The following CPAMD8 variants were observed in gnomAD, a reference collection of about 807,000 sequenced individuals.
CPAMD8 encodes the protein C3 and PZP like alpha-2-macroglobulin domain containing 8.
CPAMD8 carries 146 observed loss-of-function variants against 224.7 expected under a neutral mutation model. That is an observed-to-expected ratio of 0.65 (90% CI 0.57 to 0.75). The LOEUF (loss-of-function observed/expected upper bound fraction) is 0.75. CPAMD8 is among the 30% of genes least tolerant of loss of function. CPAMD8 has a pLI of 0.00. For synonymous variants in CPAMD8, 966 were observed against 1,044.6 expected, an observed-to-expected ratio of 0.92 and a Z score of 1.45; for missense variants, 2,301 against 2,537.5, an observed-to-expected ratio of 0.91 and a Z score of 2.00.
At chr19:17,009,223 A>G in intron 6 of CPAMD8, 80 bp downstream of exon 6, 1 of 1,612,160 alleles carries the variant, frequency 6.2e-7, no homozygotes, top group Non-Finnish European at 8.5e-7. Flanking sequence ...GCAGACAGTG[A>G]GCGAAGACAG....
chr19:16,974,119 C>T (rs561747911), intron 17 of CPAMD8, among the ~76,000 whole-genome samples: 173 of 151,410 alleles, frequency 1.1e-3, no homozygotes, highest in African/African-American at 3.9e-3. Flanking sequence ...TGAGCCACCG[C>T]GCTCAGCCAG....
At chr19:16,959,570 T>C (rs1396544340) in intron 18 of CPAMD8, among the ~76,000 whole-genome samples, 2 of 151,272 alleles carry the variant, frequency 1.3e-5, no homozygotes, top group African/African-American at 4.9e-5. Context: ...AGATGGAGTC[T>C]CTCTCTGTTG....
chr19:17,007,838 A>G (rs118128586), intron 7 of CPAMD8, among the ~76,000 whole-genome samples: 5,028 of 152,320 alleles, frequency 0.033, 119 homozygotes, highest in South Asian at 0.062. Context: ...ATCTCATGCA[A>G]TGGGGATGAT....
In CPAMD8 at chr19:16,929,123, G is replaced by A. The variant is rs563470793; in HGVS notation, c.2963C>T (p.Ser988Phe). The A allele has an allele frequency of 1.2e-6, 2 of 1,614,052 alleles. No homozygotes were observed. The highest frequency in any genetic ancestry group is 2.2e-5 in the East Asian group (1 of 44,884). Reference sequence around the variant, plus strand: ...GCCTGCTGTGTCCTGGGGCCCAGAAGACAAGGCCACACGGGCATCATTGTG... The same window carrying A: ...GCCTGCTGTGTCCTGGGGCCCAGAAAACAAGGCCACACGGGCATCATTGTG... ...RAHNDARVAL[S>F]SGPQDTAGMI... Residue 988 changes from serine (S) to phenylalanine (F), a missense_variant, in exon 24 of 42, where the codon TCT (serine) becomes TTT (phenylalanine). Ser to Phe is a radical substitution (Grantham distance 155). Around this residue, in one of 4 missense-constraint regions of CPAMD8, gnomAD observed 1,709 missense variants for 1,753.2 expected, o/e 0.97. Coordinates refer to ENST00000443236, the MANE Select transcript of CPAMD8 (RefSeq NM_015692.5).
chr19:17,011,878 G>C, intron 3 of CPAMD8, 121 bp from the exon 4 acceptor site: 1 of 1,107,860 alleles, frequency 9.0e-7, no homozygotes, highest in Middle Eastern at 2.2e-4. Flanking sequence ...TGTGCCCCAG[G>C]GGGACACTTG....
At chr19:16,895,356 T>C (rs1462078601) in intron 41 of CPAMD8, 1 of 153,716 alleles carries the variant, frequency 6.5e-6, no homozygotes, top group Admixed American at 6.5e-5. Context: ...GAGATTGCAG[T>C]GAGCCCAGAT....
At chr19:16,977,263 G>A (rs1401387410) in intron 15 of CPAMD8, 105 bp downstream of exon 15, 20 of 716,608 alleles carry the variant, frequency 2.8e-5, no homozygotes, top group Non-Finnish European at 4.6e-5. Flanking sequence ...ACATCATGCT[G>A]CGACACAACA....
chr19:16,921,821 G>A, intron 27 of CPAMD8, 84 bp downstream of exon 27: 1 of 857,254 alleles, frequency 1.2e-6, no homozygotes, highest in Non-Finnish European at 1.8e-6. Flanking sequence ...GGCGCCAAGT[G>A]ATCTGGTCAC....
At chr19:16,903,928 TGGAAGCC>T in intron 32 of CPAMD8, 71 bp from the exon 33 acceptor site, 1 of 1,486,136 alleles carries the variant, frequency 6.7e-7, no homozygotes, top group Non-Finnish European at 9.2e-7. Context: ...AACCCCGTCT[TGGAAGCC>T]TAGCCTAAAA....
chr19:17,012,857 T>C (rs1373119831), intron 3 of CPAMD8, among the ~76,000 whole-genome samples: 1 of 152,186 alleles, frequency 6.6e-6, no homozygotes, highest in Admixed American at 6.6e-5. Context: ...ATATCTATCA[T>C]GTATATGTGT....
chr19:16,988,487 G>A (rs1450307799), intron 13 of CPAMD8, among the ~76,000 whole-genome samples: 5 of 152,110 alleles, frequency 3.3e-5, no homozygotes, highest in Non-Finnish European at 5.9e-5. Context: ...GTGGGCACCT[G>A]TAATCCCAGC....
intron 22 of CPAMD8, among the ~76,000 whole-genome samples, chr19:16,939,524 T>C (rs1220268686): frequency 6.6e-6 from 1 of 152,052 alleles, no homozygotes; most frequent in African/African-American, 2.4e-5. Context: ...TGGTCAATTT[T>C]AGGTGTCAAC....
At position 16,914,399 on chromosome 19, in the gene CPAMD8, C is replaced by T. The variant is rs183320404; in HGVS notation, c.3861+25G>A. The T allele has an allele frequency of 3.4e-4, 547 of 1,608,344 alleles. 3 individuals carry two copies. The African/African-American group carries it at 6.3e-3, about 18-fold the overall frequency. ...GCTCCTCCAGTGCCCAGCCCCGAGT[C>T]TCCCCAAACCCCTTCTGTACTCACC... On this transcript the variant is annotated intron_variant, in intron 29 of 41. Transcript: ENST00000443236.
At chr19:16,906,091 A>G (rs2052466172) in intron 30 of CPAMD8, among the ~76,000 whole-genome samples, 1 of 152,124 alleles carries the variant, frequency 6.6e-6, no homozygotes, top group Non-Finnish European at 1.5e-5. Context: ...CTCCCCTTCC[A>G]GAGGGGTTGG....
At chr19:16,973,261 T>A (rs1320017755) in intron 17 of CPAMD8, among the ~76,000 whole-genome samples, 1 of 152,206 alleles carries the variant, frequency 6.6e-6, no homozygotes, top group Non-Finnish European at 1.5e-5. Context: ...TGGGTATTTG[T>A]CTAATTCGCT....
chr19:16,947,116 C>G lies in CPAMD8; in HGVS notation c.2620G>C (p.Val874Leu). ...CCCAGGTCGCTGAAGGACAGAACGA[C>G]CCAGATGGGCTCAGCCTCCCCGGGG... ...VAPGEAEPIWVVLSFSDLGLN... is the reference protein window; with the variant it reads ...VAPGEAEPIWLVLSFSDLGLN... The change falls in exon 21 of 42, where the codon GTC becomes CTC. Residue 874 changes from valine to leucine, a missense_variant. This residue lies in a region of CPAMD8 where 1,709 missense variants were observed against 1,753.2 expected (regional missense o/e 0.97). Transcript: ENST00000443236. 2 of 1,613,522 alleles carry G rather than the reference C, an allele frequency of 1.2e-6. No homozygotes were observed. Among genetic ancestry groups the G allele is most frequent in the Non-Finnish European group, 1.7e-6 (2 of 1,179,632 alleles).
At chr19:16,938,212 A>C (rs941167725) in intron 23 of CPAMD8, among the ~76,000 whole-genome samples, 183 bp downstream of exon 23, 2 of 151,902 alleles carry the variant, frequency 1.3e-5, no homozygotes, top group African/African-American at 2.4e-5. Context: ...CCCCACCCTC[A>C]CTGGCTCTGC....
chr19:16,948,595 C>T (rs956175675), intron 20 of CPAMD8, among the ~76,000 whole-genome samples: 1 of 151,508 alleles, frequency 6.6e-6, no homozygotes, highest in African/African-American at 2.4e-5. Flanking sequence ...AAAGACCAGG[C>T]GTAGTGCTGG....
Position 16,947,062 on chromosome 19 carries a change from T to C in CPAMD8, c.2662+12A>G, listed in dbSNP as rs2054126445. On this transcript the variant is annotated intron_variant, in intron 21 of 41. Coordinates refer to ENST00000443236, the MANE Select transcript of CPAMD8 (RefSeq NM_015692.5). ...GAGAGGGGGGACACCCCAAGAACTG[T>C]GGGGTCCTCACCCGTGATGTTGTTG... The C allele has an allele frequency of 1.3e-6, 2 of 1,591,424 alleles. No individual in the cohort carries two copies. The highest frequency in any genetic ancestry group is 1.3e-5 in the African/African-American group (1 of 74,288).
Sources: gnomAD v4.1 joint callset for allele counts (sites outside exome capture counted in the v4.1 genomes callset) on GRCh38, gnomAD v4.1.1 for gene constraint, gnomAD v4.1.1 regional missense constraint, MANE v1.5 for transcripts, NCBI Gene and HGNC (gene_info 2026-07-23, HGNC 2026-07-21) for gene names.